UNC80: variants seen among roughly 807,000 people sequenced by gnomAD.
The protein encoded by UNC80 is unc-80 subunit of NALCN channel complex, also known as protein unc-80 homolog.
A neutral mutation model predicts 384.6 loss-of-function variants in UNC80; 164 were observed. The observed-to-expected ratio is 0.43, with a 90% CI of 0.38 to 0.49. The LOEUF (loss-of-function observed/expected upper bound fraction) is 0.49, where lower values mean the gene tolerates loss of function less well. Ranked by LOEUF, UNC80 falls within the 20% of genes least tolerant of loss-of-function variation. UNC80 has a pLI of 0.00. For synonymous variants in UNC80, 1,486 were observed against 1,527.8 expected, an observed-to-expected ratio of 0.97 and a Z score of 0.64; for missense variants, 3,330 against 4,143.0, an observed-to-expected ratio of 0.80 and a Z score of 5.39.
rs2081604625 is a variant in UNC80 at position 209,839,803 on chromosome 2, C to A, written c.3250+373C>A. ...TACATAGTTCTACGAAAGCATGCAA[C>A]AATGAGACCTGACCTGAATGTGGGG... On this transcript the variant is annotated intron_variant, in intron 19 of 64. Transcript: ENST00000673920. This position sits in a 1 kb window ranked among gnomAD's most constrained non-coding sequence, Gnocchi z 4.1. Among the ~76,000 whole-genome samples, 5 of 152,130 alleles carry A rather than the reference C, an allele frequency of 3.3e-5. No homozygotes were observed. The South Asian group carries it at 1.0e-3, about 32-fold the overall frequency.
intron 31 of UNC80, among the ~76,000 whole-genome samples, chr2:209,915,150 T>C (rs946376115): frequency 6.6e-6 from 1 of 151,358 alleles, no homozygotes; most frequent in Admixed American, 6.6e-5. Flanking sequence ...GGGAAGATGG[T>C]GTGTGCAAAA....
At position 209,921,554 on chromosome 2, in the gene UNC80, T is replaced by A; in HGVS notation, c.5398T>A (p.Leu1800Ile). The change falls in exon 34 of 65, where the codon TTA (leucine) becomes ATA (isoleucine). Residue 1800 changes from leucine to isoleucine, a missense_variant. Physicochemically the swap from Leu to Ile is conservative, Grantham distance 5 (BLOSUM62 2). This residue lies in a region of UNC80 where 1,049 missense variants were observed against 1,488.6 expected (regional missense o/e 0.70). Coordinates refer to ENST00000673920, the MANE Select transcript of UNC80 (RefSeq NM_001371986.1). ...SRSHQRAEHILKNLQQEEEKK... is the reference protein window; with the variant it reads ...SRSHQRAEHIIKNLQQEEEKK... The stretch of plus-strand genomic sequence containing the variant: ...CTCCCATCAAAGGGCAGAACACATC[T>A]TAAAGAACTTGCAGCAGGAGGAAGA... 1 of 1,551,716 alleles carries A rather than the reference T, an allele frequency of 6.4e-7. No individual in the cohort carries two copies. Among genetic ancestry groups the A allele is most frequent in the Non-Finnish European group, 8.7e-7 (1 of 1,146,976 alleles).
At chr2:209,887,039 T>G (rs943926997) in intron 25 of UNC80, among the ~76,000 whole-genome samples, 9 of 152,134 alleles carry the variant, frequency 5.9e-5, no homozygotes, top group African/African-American at 1.7e-4. Flanking sequence ...ATTATTATTA[T>G]TTTTTATTTA....
At chr2:209,878,731 A>G (rs981025212) in intron 24 of UNC80, among the ~76,000 whole-genome samples, 4 of 152,202 alleles carry the variant, frequency 2.6e-5, no homozygotes, top group East Asian at 1.9e-4. Flanking sequence ...TGTGTTCTAT[A>G]CCATACAAGC....
chr2:209,787,669 G>A (rs2153825348), intron 5 of UNC80, among the ~76,000 whole-genome samples: 1 of 152,072 alleles, frequency 6.6e-6, no homozygotes, highest in African/African-American at 2.4e-5. Flanking sequence ...TGGTGATGCT[G>A]GTTTAAACAA....
chr2:209,926,216 A>G (rs967090233), intron 35 of UNC80, among the ~76,000 whole-genome samples: 1 of 152,212 alleles, frequency 6.6e-6, no homozygotes, highest in Non-Finnish European at 1.5e-5. Flanking sequence ...AGTTGCATCT[A>G]TGAAAAATGT....
chr2:209,970,809 C>A, intron 53 of UNC80, 23 bp from the exon 54 acceptor site: 1 of 1,549,940 alleles, frequency 6.5e-7, no homozygotes, highest in South Asian at 1.2e-5. Context: ...CAAGGCTGGT[C>A]ATGTGCTCTG....
chr2:209,860,577 C>A (rs1447117727), intron 22 of UNC80, among the ~76,000 whole-genome samples: 1 of 152,140 alleles, frequency 6.6e-6, no homozygotes, highest in East Asian at 1.9e-4. Context: ...TTTTCTAATT[C>A]TGTGAAGAAT....
intron 25 of UNC80, 29 bp from the exon 26 acceptor site, chr2:209,888,066 C>T (rs1361493724): frequency 6.4e-7 from 1 of 1,550,842 alleles, no homozygotes; most frequent in Non-Finnish European, 8.7e-7. Context: ...GAGATGCCAG[C>T]ACTCATGTGC....
At chr2:209,804,521 C>G (rs2370833) in intron 7 of UNC80, among the ~76,000 whole-genome samples, 1 of 151,726 alleles carries the variant, frequency 6.6e-6, no homozygotes, top group Admixed American at 6.6e-5. Flanking sequence ...TTTGCTGATA[C>G]AATTATTTTT....
chr2:209,800,818 A>G (rs183859419), intron 7 of UNC80, among the ~76,000 whole-genome samples: 1,557 of 152,272 alleles, frequency 0.01, 25 homozygotes, highest in African/African-American at 0.034. Context: ...TTATTTACCC[A>G]GGAGTCATTC....
chr2:209,987,305 AT>A (rs140350630), intron 61 of UNC80, among the ~76,000 whole-genome samples: 2 of 151,928 alleles, frequency 1.3e-5, no homozygotes, highest in South Asian at 2.1e-4. Flanking sequence ...TACTTCTAGG[AT>A]TTTTTTTTAA....
At chr2:209,803,502 G>C (rs1442170125) in intron 7 of UNC80, among the ~76,000 whole-genome samples, 2 of 152,172 alleles carry the variant, frequency 1.3e-5, no homozygotes, top group Admixed American at 6.5e-5. Context: ...GTACAAAATT[G>C]TACTAGAGTC....
At chr2:209,781,059 G>A (rs2077131429) in intron 4 of UNC80, among the ~76,000 whole-genome samples, 1 of 152,166 alleles carries the variant, frequency 6.6e-6, no homozygotes, top group South Asian at 2.1e-4. Flanking sequence ...TTCCCACTCA[G>A]CACTTAGTGT....
intron 43 of UNC80, 120 bp from the exon 44 acceptor site, chr2:209,941,101 A>G: frequency 7.8e-7 from 1 of 1,281,154 alleles, no homozygotes; most frequent in Non-Finnish European, 1.0e-6. Flanking sequence ...TCAGCAGTAG[A>G]TCTTCACATC....
chr2:209,928,831 C>T (rs2090630972), intron 36 of UNC80, among the ~76,000 whole-genome samples: 1 of 152,130 alleles, frequency 6.6e-6, no homozygotes, highest in Non-Finnish European at 1.5e-5. Flanking sequence ...TGCCTCCCTC[C>T]CGCCTCCCCT....
At chr2:209,808,653 G>C (rs2079081193) in intron 7 of UNC80, among the ~76,000 whole-genome samples, 1 of 152,088 alleles carries the variant, frequency 6.6e-6, no homozygotes, top group African/African-American at 2.4e-5. Flanking sequence ...AAGTGATAAA[G>C]AGGCGTGGCC....
At position 209,849,638 on chromosome 2, in the gene UNC80, G is replaced by A; in HGVS notation, c.3627+15G>A. On this transcript the variant is annotated intron_variant, in intron 22 of 64. Coordinates refer to ENST00000673920, the MANE Select transcript of UNC80 (RefSeq NM_001371986.1). ...CCTTGGATCTAGTAAGTTGGTGAAA[G>A]AATTTTCCCACCCTGCCCCCCATCC... is the stretch of plus-strand genomic sequence containing the variant. The A allele has an allele frequency of 6.5e-7, 1 of 1,549,540 alleles. No individual in the cohort carries two copies. Among genetic ancestry groups the A allele is most frequent in the South Asian group, 1.2e-5 (1 of 83,942 alleles).
rs770184041 is a variant in UNC80 at position 209,933,942 on chromosome 2, C to T, written c.6115C>T (p.Leu2039Phe). Residue 2039 changes from leucine (L) to phenylalanine (F), a missense_variant, in exon 39 of 65, where the codon CTC becomes TTC. Transcript: ENST00000673920. ...GYVEGLFFKDLKQTMKKEQCE... is the reference protein window; with the variant it reads ...GYVEGLFFKDFKQTMKKEQCE... ...CGTGGAGGGCCTCTTCTTCAAGGAT[C>T]TCAAGCAGACGATGAAGAAGGAGCA... The T allele has an allele frequency of 4.5e-6, 7 of 1,550,768 alleles. 1 individual carries two copies. In the South Asian group the frequency reaches 7.1e-5, roughly 16 times the overall value.
Sources: gnomAD v4.1 joint callset for allele counts (sites outside exome capture counted in the v4.1 genomes callset) on GRCh38, gnomAD v4.1.1 for gene constraint, gnomAD v4.1.1 regional missense constraint, Gnocchi (gnomAD v3.1) non-coding constraint, MANE v1.5 for transcripts, NCBI Gene and HGNC (gene_info 2026-07-23, HGNC 2026-07-21) for gene names.